AFF2: variants seen among roughly 807,000 people sequenced by gnomAD.
The protein encoded by AFF2 is ALF transcription elongation factor 2.
Under a neutral mutation model 76.9 loss-of-function variants are expected in AFF2, and 14 were observed. The observed-to-expected ratio is 0.18, with a 90% CI of 0.12 to 0.28. AFF2 has a LOEUF of 0.28. AFF2 is among the 10% of genes least tolerant of loss of function. The pLI is 1.00. For missense variants in AFF2, 868 were observed against 1,001.1 expected (o/e 0.87, Z 1.79); for synonymous variants, 398 against 366.7 (o/e 1.09, Z -0.98).
At chrX:148,502,865 T>C (rs782727847) in intron 1 of AFF2, among the ~76,000 whole-genome samples, 8 of 112,855 alleles carry the variant, frequency 7.1e-5, no homozygotes, top group Non-Finnish European at 1.3e-4. Flanking sequence ...TTTAATCTTA[T>C]GCATATGCAA....
At chrX:148,772,683 C>G (rs1306411336) in intron 3 of AFF2, among the ~76,000 whole-genome samples, 1 of 109,234 alleles carries the variant, frequency 9.2e-6, no homozygotes, top group Non-Finnish European at 1.9e-5. Context: ...ATAAATATTT[C>G]TTTATTAATA....
intron 4 of AFF2, 43 bp downstream of exon 4, chrX:148,809,963 A>G: frequency 1.8e-6 from 2 of 1,125,223 alleles, no homozygotes; most frequent in Non-Finnish European, 2.4e-6. Context: ...ATAATGAAGC[A>G]ATCTATCTGC....
intron 3 of AFF2, among the ~76,000 whole-genome samples, chrX:148,672,683 A>G (rs1557259191): frequency 8.9e-6 from 1 of 112,603 alleles, no homozygotes; most frequent in East Asian, 2.8e-4. Flanking sequence ...ATTACAGGTT[A>G]TAGTCATGTG....
At chrX:148,711,387 G>T (rs1343678057) in intron 3 of AFF2, among the ~76,000 whole-genome samples, 1 of 111,855 alleles carries the variant, frequency 8.9e-6, no homozygotes, top group Non-Finnish European at 1.9e-5. Context: ...AAATAATTGT[G>T]TGTGGGACTA....
At position 148,521,374 on chromosome X, in the gene AFF2, G is replaced by GCACACACACACA. The variant is rs781978355; in HGVS notation, c.47+20256_47+20267dup. The stretch of plus-strand genomic sequence containing the variant: ...ACAGGTACCTGAAAAGCACGTGCAT[G>GCACACACACACA]CACACACACACACACACACACACAC... On this transcript the variant is annotated intron_variant, in intron 1 of 20. Transcript: ENST00000370460. Among the ~76,000 whole-genome samples, 386 of 90,879 alleles carry GCACACACACACA rather than the reference G, an allele frequency of 4.2e-3. 3 individuals are homozygous for GCACACACACACA. The highest frequency in any genetic ancestry group is 0.013 in the African/African-American group (303 of 23,487). The allele number at this position is 90,879 out of a possible 115,157, so 78.9% of individuals were successfully genotyped here.
intron 1 of AFF2, among the ~76,000 whole-genome samples, chrX:148,519,861 G>C (rs998699858): frequency 2.1e-4 from 24 of 111,826 alleles, no homozygotes; most frequent in Non-Finnish European, 4.3e-4. Context: ...TACTCTGTTA[G>C]CCTTTTTGTC....
chrX:148,981,201 T>A (rs781793530), intron 19 of AFF2, among the ~76,000 whole-genome samples: 10 of 112,134 alleles, frequency 8.9e-5, no homozygotes, highest in Non-Finnish European at 1.9e-4. Context: ...GTGAAGGCAC[T>A]TGCTCAGCCA....
intron 3 of AFF2, among the ~76,000 whole-genome samples, chrX:148,702,863 G>A (rs2054820126): frequency 8.9e-6 from 1 of 112,231 alleles, no homozygotes; most frequent in Admixed American, 9.5e-5. Context: ...TAGCTTGTTT[G>A]TACAGCTACA....
intron 1 of AFF2, among the ~76,000 whole-genome samples, chrX:148,650,334 C>T (rs1170924564): frequency 1.8e-5 from 2 of 111,313 alleles, no homozygotes; most frequent in African/African-American, 6.6e-5. Context: ...AAATCTAATA[C>T]CTATGGAGGG....
intron 3 of AFF2, among the ~76,000 whole-genome samples, chrX:148,667,968 C>A (rs1455961151): frequency 1.8e-5 from 2 of 112,505 alleles, no homozygotes; most frequent in Non-Finnish European, 3.8e-5. Context: ...TGAATCAATG[C>A]AAGTCCCTTC....
chrX:148,915,156 A>G (rs1288518749), intron 9 of AFF2, among the ~76,000 whole-genome samples: 1 of 112,724 alleles, frequency 8.9e-6, no homozygotes, highest in African/African-American at 3.2e-5. Flanking sequence ...GGAGTTAACT[A>G]GAGAGCCACC....
At chrX:148,726,984 G>A (rs1050893933) in intron 3 of AFF2, among the ~76,000 whole-genome samples, 3 of 111,972 alleles carry the variant, frequency 2.7e-5, no homozygotes, top group Middle Eastern at 4.2e-3. Flanking sequence ...AAAAGATGTG[G>A]CAGGCATCCT....
At chrX:148,959,020 C>G (rs1030751409) in intron 12 of AFF2, among the ~76,000 whole-genome samples, 2 of 102,561 alleles carry the variant, frequency 2.0e-5, no homozygotes, top group South Asian at 8.8e-4. Context: ...AAAAAGCTGT[C>G]TTTTCCTGAC....
chrX:148,802,908 A>G (rs1342607638), intron 3 of AFF2, among the ~76,000 whole-genome samples: 2 of 112,108 alleles, frequency 1.8e-5, no homozygotes, highest in Non-Finnish European at 3.8e-5. Flanking sequence ...TATTTAGATA[A>G]TGTATTAGTT....
chrX:148,572,896 T>A (rs1311063058), intron 1 of AFF2, among the ~76,000 whole-genome samples: 1 of 111,071 alleles, frequency 9.0e-6, no homozygotes, highest in Non-Finnish European at 1.9e-5. Flanking sequence ...AATGGTAAAT[T>A]GTATTATCTA....
At chrX:148,649,956 T>G (rs2054187256) in intron 1 of AFF2, among the ~76,000 whole-genome samples, 1 of 111,526 alleles carries the variant, frequency 9.0e-6, no homozygotes, top group African/African-American at 3.3e-5. Flanking sequence ...CTCGCATTAC[T>G]CAGAAGGAAA....
At chrX:148,679,555 T>C (rs1557259767) in intron 3 of AFF2, among the ~76,000 whole-genome samples, 1 of 111,884 alleles carries the variant, frequency 8.9e-6, no homozygotes, top group East Asian at 2.8e-4. Flanking sequence ...AAAAATGCCT[T>C]GAGAACATGG....
At chrX:148,511,023 G>T (rs1168282240) in intron 1 of AFF2, among the ~76,000 whole-genome samples, 2 of 111,889 alleles carry the variant, frequency 1.8e-5, no homozygotes, top group African/African-American at 6.5e-5. Flanking sequence ...GAAATAGGAT[G>T]CTTATAGAAA....
At chrX:148,849,595 G>A (rs2070710284) in intron 7 of AFF2, among the ~76,000 whole-genome samples, 1 of 110,860 alleles carries the variant, frequency 9.0e-6, no homozygotes, top group African/African-American at 3.3e-5. Flanking sequence ...GATAAGACTA[G>A]CACCGACAAT....
Sources: gnomAD v4.1 joint callset for allele counts (sites outside exome capture counted in the v4.1 genomes callset) on GRCh38, gnomAD v4.1.1 for gene constraint, MANE v1.5 for transcripts, NCBI Gene and HGNC (gene_info 2026-07-23, HGNC 2026-07-21) for gene names.